Variants in S100B observed in about 807,000 individuals in gnomAD.
S100B encodes the protein protein S100-B.
Under a neutral mutation model 7.7 loss-of-function variants are expected in S100B, and 6 were observed. The observed-to-expected ratio is 0.78, with a 90% CI of 0.43 to 1.54. The LOEUF is 1.54. Ranked by LOEUF, S100B falls within the 40% of genes most tolerant of loss-of-function variation. The pLI, the probability that S100B is intolerant of heterozygous loss-of-function variation, is 0.01. For missense variants in S100B, 99 were observed against 111.8 expected (o/e 0.89, Z 0.52); for synonymous variants, 36 against 40.4 (o/e 0.89, Z 0.41).
At chr21:46,599,897 T>G (rs1403724958) in intron 2 of S100B, among the ~76,000 whole-genome samples, 2 of 152,222 alleles carry the variant, frequency 1.3e-5, no homozygotes, top group Non-Finnish European at 2.9e-5. Flanking sequence ...CTCAAAGGCT[T>G]CCAGTGGAAT....
rs2061034711 is a variant in S100B at position 46,599,250 on chromosome 21, A to C, written c.*113T>G. The C allele has an allele frequency of 2.1e-6, 2 of 953,466 alleles. No individual in the cohort carries two copies. The highest frequency in any genetic ancestry group is 4.6e-5 in the Admixed American group (2 of 43,242). 59.1% of individuals were successfully genotyped at this position (953,466 alleles called of 1,614,324 possible). A position where few individuals can be genotyped will look rare whatever the true frequency, so the allele number is the denominator to read the frequency against. On this transcript the variant is annotated 3_prime_UTR_variant, in exon 3 of 3. Coordinates refer to ENST00000291700, the MANE Select transcript of S100B (RefSeq NM_006272.3). ...AATCACAAAGCAAATCAAGCTTCCT[A>C]ATTAGCTACAACACGGCTGGAAAGC...
At chr21:46,604,189 A>C (rs2061051049) in intron 1 of S100B, among the ~76,000 whole-genome samples, 1 of 152,242 alleles carries the variant, frequency 6.6e-6, no homozygotes, top group African/African-American at 2.4e-5. Context: ...AATCAATTAA[A>C]TTCTTGTTAA....
chr21:46,603,486 G>C (rs1192224866), intron 1 of S100B, among the ~76,000 whole-genome samples: 4 of 148,430 alleles, frequency 2.7e-5, no homozygotes, highest in African/African-American at 9.9e-5. Flanking sequence ...CACAGCCTAC[G>C]AACCAAGGAA....
At chr21:46,602,193 A>C (rs928962742) in intron 2 of S100B, 85 bp downstream of exon 2, 68 of 1,262,760 alleles carry the variant, frequency 5.4e-5, no homozygotes, top group Non-Finnish European at 7.2e-5. Flanking sequence ...AATCACCTTC[A>C]GGGCAGCTGA....
At chr21:46,600,407 C>T (rs1300672840) in intron 2 of S100B, 2 of 438,022 alleles carry the variant, frequency 4.6e-6, no homozygotes, top group South Asian at 3.2e-5. Flanking sequence ...ATTAGCTGGG[C>T]ATGGTCCATG....
chr21:46,602,324 G>A lies in S100B; in HGVS notation c.92C>T (p.Ser31Phe). Residue 31 changes from serine (S) to phenylalanine (F), a missense_variant, in exon 2 of 3, where the codon TCC (serine) becomes TTC (phenylalanine). Transcript: ENST00000291700. ...ATTGTTGATGAGCTCCTTCAGTTCG[G>A]ATTTCTTCAGCTTGTGCTTGTCTCC... ...REGDKHKLKKSELKELINNEL... is the reference protein window; with the variant it reads ...REGDKHKLKKFELKELINNEL... 1.2e-6 allele frequency: 2 copies of A among 1,614,040 alleles called. No homozygotes were observed. The highest frequency in any genetic ancestry group is 2.2e-5 in the East Asian group (1 of 44,890).
At chr21:46,599,948 T>G (rs2061036981) in intron 2 of S100B, among the ~76,000 whole-genome samples, 1 of 152,222 alleles carries the variant, frequency 6.6e-6, no homozygotes, top group Non-Finnish European at 1.5e-5. Flanking sequence ...AAGTAACTCT[T>G]GGGAACGTGG....
intron 2 of S100B, chr21:46,600,302 G>A: frequency 2.4e-6 from 1 of 415,082 alleles, no homozygotes; most frequent in South Asian, 1.7e-5. Context: ...AGCACTTTGG[G>A]AAGCTAAGGC....
intron 2 of S100B, among the ~76,000 whole-genome samples, chr21:46,601,053 C>T (rs1049023790): frequency 1.3e-5 from 2 of 152,186 alleles, no homozygotes; most frequent in Non-Finnish European, 2.9e-5. Context: ...CTGTCTGCTC[C>T]ACTCTGAACC....
intron 2 of S100B, 145 bp from the exon 3 acceptor site, chr21:46,599,648 C>T: frequency 6.4e-6 from 5 of 783,750 alleles, no homozygotes; most frequent in Non-Finnish European, 1.1e-5. Context: ...AAAGATGTCT[C>T]ATGTGACCAG....
At chr21:46,601,720 A>G (rs2061041795) in intron 2 of S100B, among the ~76,000 whole-genome samples, 1 of 152,176 alleles carries the variant, frequency 6.6e-6, no homozygotes, top group Admixed American at 6.5e-5. Context: ...CTTCCAAAGG[A>G]TGTGTACAGA....
chr21:46,599,833 T>C (rs1445798304), intron 2 of S100B, among the ~76,000 whole-genome samples: 2 of 152,118 alleles, frequency 1.3e-5, no homozygotes, highest in African/African-American at 4.8e-5. Context: ...GAAATAAAAA[T>C]AAACTTTTGG....
intron 2 of S100B, 147 bp downstream of exon 2, chr21:46,602,131 G>A (rs979646826): frequency 2.6e-5 from 18 of 694,018 alleles, no homozygotes; most frequent in African/African-American, 1.3e-4. Flanking sequence ...TGAGGGTTCC[G>A]TTACTCAAAC....
At chr21:46,600,053 C>T (rs572504548) in intron 2 of S100B, among the ~76,000 whole-genome samples, 1 of 152,264 alleles carries the variant, frequency 6.6e-6, no homozygotes, top group Admixed American at 6.5e-5. Flanking sequence ...ACATTGAAGC[C>T]AAATGAATGG....
At position 46,604,151 on chromosome 21, in the gene S100B, A is replaced by T. The variant is rs561246177; in HGVS notation, c.-2+862T>A. ...GAACACTAATAGAAACCACTAGAAAATATGGTTTTCTTCATAACCACACTA... is the reference window on the plus strand; with the variant it reads ...GAACACTAATAGAAACCACTAGAAATTATGGTTTTCTTCATAACCACACTA... On this transcript the variant is annotated intron_variant, in intron 1 of 2. Transcript: ENST00000291700. Among the ~76,000 whole-genome samples, 124 of 152,328 alleles carry T rather than the reference A, an allele frequency of 8.1e-4. 2 individuals carry two copies. The highest frequency in any genetic ancestry group is 2.6e-3 in the African/African-American group (109 of 41,576).
At chr21:46,599,780 G>GAA (rs3061065) in intron 2 of S100B, among the ~76,000 whole-genome samples, 40 of 149,070 alleles carry the variant, frequency 2.7e-4, no homozygotes, top group Admixed American at 1.7e-3. Flanking sequence ...TAAAATACCT[G>GAA]AAAAAAAAAA....
chr21:46,600,581 G>C (rs978080290), intron 2 of S100B, among the ~76,000 whole-genome samples: 1 of 152,020 alleles, frequency 6.6e-6, no homozygotes, highest in African/African-American at 2.4e-5. Flanking sequence ...ACAGAAGATT[G>C]TAACTCCACG....
chr21:46,601,073 G>C (rs889125904), intron 2 of S100B, among the ~76,000 whole-genome samples: 1 of 152,208 alleles, frequency 6.6e-6, no homozygotes, highest in Admixed American at 6.5e-5. Context: ...CATTCACGGT[G>C]GGGCAGTGTT....
intron 1 of S100B, among the ~76,000 whole-genome samples, chr21:46,603,398 T>TGGGGGGTGGGGGGGGCGGGGGGGGGGGGG: frequency 1.4e-3 from 73 of 52,100 alleles, no homozygotes; most frequent in Non-Finnish European, 1.8e-3. Flanking sequence ...CGGGAGGGGG[T>TGGGGGGTGGGGGGGGCGGGGGGGGGGGGG]GGGGGCAGGA....
Sources: gnomAD v4.1 joint callset for allele counts (sites outside exome capture counted in the v4.1 genomes callset) on GRCh38, gnomAD v4.1.1 for gene constraint, MANE v1.5 for transcripts, NCBI Gene and HGNC (gene_info 2026-07-23, HGNC 2026-07-21) for gene names.